FAM81A: variants seen among roughly 807,000 people sequenced by gnomAD.
FAM81A encodes family with sequence similarity 81 member A.
In FAM81A, 19 loss-of-function variants were observed where a neutral mutation model predicts 46.7. That is an observed-to-expected ratio of 0.41 (90% CI 0.28 to 0.60). The LOEUF (loss-of-function observed/expected upper bound fraction) is 0.60. Among genes scored for constraint, FAM81A ranks in the 20% least tolerant of loss-of-function variants. FAM81A has a pLI of 0.34. For missense variants in FAM81A, 377 were observed against 453.5 expected, an observed-to-expected ratio of 0.83 and a Z score of 1.53; for synonymous variants, 183 against 152.9, an observed-to-expected ratio of 1.20 and a Z score of -1.45.
intron 8 of FAM81A, among the ~76,000 whole-genome samples, chr15:59,520,564 T>A (rs1409434801): frequency 2.1e-5 from 1 of 46,928 alleles, no homozygotes; most frequent in African/African-American, 3.9e-5. Context: ...GTTTGCTTCA[T>A]TTTTTTTTTT....
At chr15:59,508,669 G>GCTA (rs541262727) in intron 5 of FAM81A, among the ~76,000 whole-genome samples, 194 bp from the exon 6 acceptor site, 1 of 152,168 alleles carries the variant, frequency 6.6e-6, no homozygotes, top group Non-Finnish European at 1.5e-5. Context: ...TTTTGGCAGT[G>GCTA]CTACTGGTCT....
At chr15:59,408,843 A>C (rs1353255504) in intron 2 of FAM81A, 2 of 152,184 alleles carry the variant, frequency 1.3e-5, no homozygotes, top group Non-Finnish European at 2.9e-5. Flanking sequence ...AAAACAAATA[A>C]AAATAAATAA....
chr15:59,468,659 C>A (rs138564809), intron 3 of FAM81A, among the ~76,000 whole-genome samples: 29,672 of 149,950 alleles, frequency 0.2, 4,258 homozygotes, highest in African/African-American at 0.41. Flanking sequence ...AAAAAAAAAA[C>A]CCAGCTCCTG....
At chr15:59,494,822 G>C (rs537925322) in intron 4 of FAM81A, among the ~76,000 whole-genome samples, 5 of 152,222 alleles carry the variant, frequency 3.3e-5, no homozygotes, top group African/African-American at 1.2e-4. Context: ...TAATTTTATA[G>C]TTTTTATGTG....
At chr15:59,440,859 T>A (rs557861186) in intron 1 of FAM81A, among the ~76,000 whole-genome samples, 1 of 152,292 alleles carries the variant, frequency 6.6e-6, no homozygotes, top group African/African-American at 2.4e-5. Context: ...GGGCTTCTTA[T>A]ATTTCAGTCC....
chr15:59,503,483 G>T (rs1196595623), intron 4 of FAM81A, among the ~76,000 whole-genome samples: 1 of 151,910 alleles, frequency 6.6e-6, no homozygotes, highest in East Asian at 1.9e-4. Flanking sequence ...ATAACATGTG[G>T]ACACTTCCAG....
chr15:59,515,346 G>C (rs1166774352), intron 7 of FAM81A, among the ~76,000 whole-genome samples: 1 of 152,210 alleles, frequency 6.6e-6, no homozygotes, highest in South Asian at 2.1e-4. Context: ...TGTTTAGCAT[G>C]ACATCTCTGT....
chr15:59,436,191 C>A (rs2081242193), upstream of FAM81A, among the ~76,000 whole-genome samples: 1 of 152,194 alleles, frequency 6.6e-6, no homozygotes, highest in Non-Finnish European at 1.5e-5. Context: ...GAGCCCCTCA[C>A]CTTCCAGGTC....
At chr15:59,431,970 G>T (rs2081222451) in intron 2 of FAM81A, among the ~76,000 whole-genome samples, 1 of 152,092 alleles carries the variant, frequency 6.6e-6, no homozygotes, top group Non-Finnish European at 1.5e-5. Flanking sequence ...ATTCAAATAT[G>T]GGAGGGAAAA....
At chr15:59,476,661 G>A (rs1410217986) in intron 3 of FAM81A, among the ~76,000 whole-genome samples, 1 of 151,972 alleles carries the variant, frequency 6.6e-6, no homozygotes, top group Non-Finnish European at 1.5e-5. Flanking sequence ...CTGATGGCAT[G>A]TGCCTGTAAT....
intron 3 of FAM81A, among the ~76,000 whole-genome samples, chr15:59,491,035 C>T (rs1473183746): frequency 6.6e-6 from 1 of 152,122 alleles, no homozygotes; most frequent in Non-Finnish European, 1.5e-5. Flanking sequence ...ACAGAGCTAC[C>T]ATATGATTCA....
At chr15:59,484,228 G>A (rs1379587372) in intron 3 of FAM81A, among the ~76,000 whole-genome samples, 2 of 152,196 alleles carry the variant, frequency 1.3e-5, no homozygotes, top group African/African-American at 4.8e-5. Context: ...CATTTAAGGA[G>A]ATCCAAGTGT....
At chr15:59,448,803 G>A (rs1047347018) in intron 1 of FAM81A, among the ~76,000 whole-genome samples, 2 of 151,968 alleles carry the variant, frequency 1.3e-5, no homozygotes, top group African/African-American at 2.4e-5. Context: ...ACAGCTGTTC[G>A]CCACCATGCC....
chr15:59,408,361 G>T (rs2081105907), intron 2 of FAM81A, among the ~76,000 whole-genome samples: 1 of 152,046 alleles, frequency 6.6e-6, no homozygotes, highest in African/African-American at 2.4e-5. Context: ...TTAATTCATG[G>T]ACTTTTTAAC....
intron 3 of FAM81A, among the ~76,000 whole-genome samples, chr15:59,489,597 A>G (rs1205349689): frequency 6.6e-6 from 1 of 152,200 alleles, no homozygotes; most frequent in Non-Finnish European, 1.5e-5. Flanking sequence ...CAAAATAGCC[A>G]AAACTATCCT....
At chr15:59,446,782 C>T (rs1372620455) in intron 1 of FAM81A, 1 of 152,158 alleles carries the variant, frequency 6.6e-6, no homozygotes, top group Non-Finnish European at 1.5e-5. Flanking sequence ...GATGCACAGG[C>T]GATCCAGGCT....
At chr15:59,401,933 C>G (rs377702193) in intron 1 of FAM81A, 172 of 744,748 alleles carry the variant, frequency 2.3e-4, no homozygotes, top group Non-Finnish European at 3.1e-4. Context: ...CTTTCTTTCT[C>G]TTTTTCTCAT....
chr15:59,488,663 A>G (rs1323886164), intron 3 of FAM81A, among the ~76,000 whole-genome samples: 1 of 152,212 alleles, frequency 6.6e-6, no homozygotes, highest in Non-Finnish European at 1.5e-5. Context: ...AAGTAATCTC[A>G]TTTCCAATTG....
chr15:59,489,282 C>CATAG (rs2081956100), intron 3 of FAM81A, among the ~76,000 whole-genome samples: 1 of 149,370 alleles, frequency 6.7e-6, no homozygotes, highest in African/African-American at 2.5e-5. Flanking sequence ...TACATACATA[C>CATAG]ATACATACAT....
Sources: gnomAD v4.1 joint callset for allele counts (sites outside exome capture counted in the v4.1 genomes callset) on GRCh38, gnomAD v4.1.1 for gene constraint, MANE v1.5 for transcripts, NCBI Gene and HGNC (gene_info 2026-07-23, HGNC 2026-07-21) for gene names.